The following PIBF1 variants were observed in gnomAD, a reference collection of about 807,000 sequenced individuals.
PIBF1 encodes progesterone-induced-blocking factor 1.
In PIBF1, 90 loss-of-function variants were observed where a neutral mutation model predicts 112.5. The ratio of observed to expected loss-of-function variants is 0.80; its 90% confidence interval spans 0.67 to 0.95. The LOEUF is 0.95. PIBF1 is among the 40% of genes least tolerant of loss of function. The probability of loss-of-function intolerance (pLI) is 0.00; values close to 1 mark genes in which losing one functional copy is unlikely to be tolerated. For missense variants in PIBF1, 915 were observed against 852.3 expected (o/e 1.07, Z -0.92); for synonymous variants, 301 against 288.6 (o/e 1.04, Z -0.44).
intron 5 of PIBF1, among the ~76,000 whole-genome samples, chr13:72,801,594 A>G (rs776510728): frequency 2.6e-5 from 4 of 152,232 alleles, no homozygotes; most frequent in Non-Finnish European, 5.9e-5. Flanking sequence ...TGTAGTACAT[A>G]CTTTACTACT....
chr13:72,881,577 G>A (rs1038453511), intron 10 of PIBF1, among the ~76,000 whole-genome samples: 11 of 151,864 alleles, frequency 7.2e-5, no homozygotes, highest in Non-Finnish European at 1.0e-4. Flanking sequence ...TTAGCCAGGC[G>A]TGGTGGTGTG....
intron 5 of PIBF1, among the ~76,000 whole-genome samples, chr13:72,813,068 T>A (rs961211299): frequency 2.0e-5 from 3 of 152,180 alleles, no homozygotes; most frequent in Non-Finnish European, 2.9e-5. Flanking sequence ...AATAAAAGTT[T>A]CACAGTTCAA....
chr13:72,894,594 TATTTC>T (rs2040191818), intron 11 of PIBF1, among the ~76,000 whole-genome samples: 1 of 151,726 alleles, frequency 6.6e-6, no homozygotes, highest in East Asian at 1.9e-4. Flanking sequence ...GTAAAGGTCA[TATTTC>T]AAATCAGTAG....
At chr13:72,949,634 C>T (rs550029036) in intron 14 of PIBF1, among the ~76,000 whole-genome samples, 1 of 152,252 alleles carries the variant, frequency 6.6e-6, no homozygotes, top group East Asian at 1.9e-4. Flanking sequence ...AGCTTTCATA[C>T]TTTTTTGACC....
chr13:72,991,199 A>G (rs2043467983), intron 16 of PIBF1, among the ~76,000 whole-genome samples: 1 of 152,196 alleles, frequency 6.6e-6, no homozygotes, highest in African/African-American at 2.4e-5. Context: ...TTATGCAAAT[A>G]GTTAATATTA....
rs71799519 is a variant in PIBF1, at chr13:72,958,309, CAAAAAA to C, written c.1834-6946_1834-6941del. Reference sequence around the variant, plus strand: ...TGGATGACAAAGCAAGACCCTATCTCAAAAAAAAAAAAAAAAAAAAAAAAGGAATGC... The same window carrying C: ...TGGATGACAAAGCAAGACCCTATCTCAAAAAAAAAAAAAAAAAAGGAATGC... On this transcript the variant is annotated intron_variant, in intron 14 of 17. Transcript: ENST00000326291. Among the ~76,000 whole-genome samples, 3 of 68,728 alleles carry C rather than the reference CAAAAAA, an allele frequency of 4.4e-5. No homozygotes were observed. The East Asian group carries it at 1.7e-3, about 39-fold the overall frequency. The allele number at this position is 68,728 out of a possible 152,430, so 45.1% of individuals were successfully genotyped here.
At chr13:72,877,832 C>T (rs1002071348) in intron 10 of PIBF1, among the ~76,000 whole-genome samples, 1 of 151,784 alleles carries the variant, frequency 6.6e-6, no homozygotes, top group East Asian at 1.9e-4. Flanking sequence ...TCACCTCAAC[C>T]TCCGCCTCTC....
intron 8 of PIBF1, among the ~76,000 whole-genome samples, chr13:72,829,356 G>A (rs9543134): frequency 0.1 from 15,606 of 152,192 alleles, 1,088 homozygotes; most frequent in Non-Finnish European, 0.15. Context: ...CTTTGCCCAT[G>A]CCTACATCCT....
intron 10 of PIBF1, among the ~76,000 whole-genome samples, chr13:72,859,016 T>A (rs1594068842): frequency 6.6e-6 from 1 of 152,214 alleles, no homozygotes; most frequent in Admixed American, 6.5e-5. Flanking sequence ...TGACTTTTTT[T>A]AACTATAATG....
chr13:72,839,999 G>C (rs2037535191), intron 9 of PIBF1, among the ~76,000 whole-genome samples: 1 of 152,150 alleles, frequency 6.6e-6, no homozygotes, highest in South Asian at 2.1e-4. Flanking sequence ...GAATTGATTG[G>C]ATGTATACTG....
At chr13:72,908,389 C>A in intron 11 of PIBF1, 142 bp from the exon 12 acceptor site, 1 of 395,964 alleles carries the variant, frequency 2.5e-6, no homozygotes, top group Non-Finnish European at 4.5e-6. Context: ...ATTTAATTTC[C>A]TCATTAGTCA....
At chr13:72,940,959 T>C (rs2041994314) in intron 14 of PIBF1, among the ~76,000 whole-genome samples, 1 of 152,176 alleles carries the variant, frequency 6.6e-6, no homozygotes, top group African/African-American at 2.4e-5. Flanking sequence ...CAGAGTTCTG[T>C]CTCTTTGCAG....
chr13:72,895,313 TTAAA>T (rs1403641164), intron 11 of PIBF1, among the ~76,000 whole-genome samples: 4 of 149,270 alleles, frequency 2.7e-5, no homozygotes, highest in East Asian at 1.9e-4. Flanking sequence ...ATATTTAAAC[TTAAA>T]TAATATTTAA....
At chr13:72,899,129 A>T (rs550423846) in intron 11 of PIBF1, among the ~76,000 whole-genome samples, 17 of 152,268 alleles carry the variant, frequency 1.1e-4, no homozygotes, top group African/African-American at 3.8e-4. Flanking sequence ...TTGAAACGGT[A>T]ATTTAAAAAT....
At chr13:72,972,421 C>G (rs1261262484) in intron 15 of PIBF1, among the ~76,000 whole-genome samples, 1 of 152,094 alleles carries the variant, frequency 6.6e-6, no homozygotes, top group Admixed American at 6.5e-5. Flanking sequence ...CCCAGCACTT[C>G]GGGAGGCCGA....
At chr13:72,802,910 T>G (rs944743387) in intron 5 of PIBF1, among the ~76,000 whole-genome samples, 4 of 151,956 alleles carry the variant, frequency 2.6e-5, no homozygotes, top group Non-Finnish European at 4.4e-5. Context: ...AATAGGGAAA[T>G]TAAGAGAATT....
At chr13:72,987,858 A>ATTTATTTTT (rs1345167411) in intron 16 of PIBF1, among the ~76,000 whole-genome samples, 13 of 58,132 alleles carry the variant, frequency 2.2e-4, no homozygotes, top group African/African-American at 1.1e-3. Context: ...TTATTTATTT[A>ATTTATTTTT]TTTTTTTTTT....
chr13:72,988,599 C>T (rs2043378374), intron 16 of PIBF1, among the ~76,000 whole-genome samples: 1 of 152,066 alleles, frequency 6.6e-6, no homozygotes, highest in South Asian at 2.1e-4. Context: ...TCTTGTTGAG[C>T]ATTTAGAGTG....
intron 2 of PIBF1, among the ~76,000 whole-genome samples, chr13:72,786,274 C>T (rs578025161): frequency 8.4e-4 from 128 of 152,198 alleles, no homozygotes; most frequent in African/African-American, 3.0e-3. Flanking sequence ...TAGAAGATTG[C>T]AATAGTCGTG....
Sources: allele counts gnomAD v4.1 joint callset (sites outside exome capture counted in the v4.1 genomes callset), GRCh38; gene constraint gnomAD v4.1.1; transcripts MANE v1.5; gene names NCBI Gene and HGNC (gene_info 2026-07-23, HGNC 2026-07-21).